Variants in DLST observed in about 807,000 individuals in gnomAD.
The protein encoded by DLST is dihydrolipoyllysine-residue succinyltransferase component of 2-oxoglutarate dehydrogenase complex, mitochondrial.
DLST carries 17 observed loss-of-function variants against 53.1 expected under a neutral mutation model. The observed-to-expected ratio is 0.32, with a 90% CI of 0.22 to 0.48. DLST has a LOEUF of 0.48. Among genes scored for constraint, DLST ranks in the 20% least tolerant of loss-of-function variants. The probability of loss-of-function intolerance (pLI) is 0.99; values close to 1 mark genes in which losing one functional copy is unlikely to be tolerated. For synonymous variants in DLST, 206 were observed against 204.8 expected (o/e 1.01, Z -0.05); for missense variants, 512 against 583.9 (o/e 0.88, Z 1.27).
intron 6 of DLST, 26 bp downstream of exon 6, chr14:74,889,978 G>T: frequency 5.6e-6 from 9 of 1,607,568 alleles, no homozygotes; most frequent in Non-Finnish European, 6.8e-6. Context: ...ATTCGTACCA[G>T]CTTTTCATGG....
chr14:74,890,739 G>A (rs1009609276), intron 6 of DLST, among the ~76,000 whole-genome samples: 3 of 152,108 alleles, frequency 2.0e-5, no homozygotes, highest in Non-Finnish European at 2.9e-5. Context: ...GTTTTGAGAC[G>A]TTTCGCTCTA....
At chr14:74,894,115 A>G (rs993393467) in intron 9 of DLST, among the ~76,000 whole-genome samples, 197 bp from the exon 10 acceptor site, 1 of 152,176 alleles carries the variant, frequency 6.6e-6, no homozygotes, top group Non-Finnish European at 1.5e-5. Flanking sequence ...CTGAGTGAGT[A>G]GTTTTGGCCT....
At chr14:74,893,137 T>G (rs1375558408) in intron 8 of DLST, 151 bp downstream of exon 8, 3 of 1,138,388 alleles carry the variant, frequency 2.6e-6, no homozygotes, top group Non-Finnish European at 3.7e-6. Flanking sequence ...AAGGCCTGCT[T>G]TGCATCTCAG....
chr14:74,894,035 T>C (rs1883996233), intron 9 of DLST, among the ~76,000 whole-genome samples: 1 of 152,220 alleles, frequency 6.6e-6, no homozygotes, highest in Non-Finnish European at 1.5e-5. Context: ...ACTACATTCT[T>C]TTATAAATGG....
At chr14:74,901,880 G>A (rs1310767780) in intron 14 of DLST, among the ~76,000 whole-genome samples, 1 of 150,514 alleles carries the variant, frequency 6.6e-6, no homozygotes, top group East Asian at 1.9e-4. Flanking sequence ...ACCCCAGAGA[G>A]AAGCAAGTAC....
At chr14:74,892,757 GTT>G (rs1883952355) in intron 7 of DLST, 75 bp from the exon 8 acceptor site, 1 of 1,470,514 alleles carries the variant, frequency 6.8e-7, no homozygotes, top group African/African-American at 1.4e-5. Context: ...TGGAGCTAGA[GTT>G]TTTGCCACTA....
At position 74,897,937 on chromosome 14, in the gene DLST, G is replaced by GT. The variant is rs1566794710; in HGVS notation, c.771-432_771-431insT. On this transcript the variant is annotated intron_variant, in intron 10 of 14. Coordinates refer to ENST00000334220, the MANE Select transcript of DLST (RefSeq NM_001933.5). ...CGGGAGTTATACTCAGATTTGGTGG[G>GT]GTTTTTTTTTTTTTTTTGTATTCTA... 1.1e-3 allele frequency among the ~76,000 whole-genome samples: 166 copies of GT among 144,956 alleles called. 3 individuals are homozygous for GT. The highest frequency in any genetic ancestry group is 7.0e-3 in the Middle Eastern group (2 of 284).
At chr14:74,888,223 A>G (rs1166111555) in intron 3 of DLST, among the ~76,000 whole-genome samples, 1 of 150,896 alleles carries the variant, frequency 6.6e-6, no homozygotes, top group Non-Finnish European at 1.5e-5. Context: ...TAGCAAGAGA[A>G]CCGAGTAGGA....
intron 14 of DLST, among the ~76,000 whole-genome samples, chr14:74,901,684 G>A (rs1884249869): frequency 6.6e-6 from 1 of 152,172 alleles, no homozygotes; most frequent in Non-Finnish European, 1.5e-5. Flanking sequence ...CTGGCCCTTA[G>A]AAGATACGTT....
intron 10 of DLST, among the ~76,000 whole-genome samples, chr14:74,895,504 C>A (rs928412411): frequency 6.6e-6 from 1 of 152,132 alleles, no homozygotes; most frequent in Admixed American, 6.5e-5. Context: ...GCCTATAATC[C>A]CAGAGCTTTG....
chr14:74,887,122 C>A (rs1314922890), intron 3 of DLST, among the ~76,000 whole-genome samples: 2 of 152,200 alleles, frequency 1.3e-5, no homozygotes, highest in South Asian at 4.1e-4. Flanking sequence ...GATTTAATAT[C>A]TGATAATATA....
intron 2 of DLST, 48 bp from the exon 3 acceptor site, chr14:74,885,538 C>A (rs1489730927): frequency 6.3e-7 from 1 of 1,596,336 alleles, no homozygotes; most frequent in African/African-American, 1.3e-5. Flanking sequence ...AGCATGTATC[C>A]TTTGTGAGAT....
Position 74,889,098 on chromosome 14 carries a change from TAAC to T in DLST, c.155_157del (p.Asn52del). On this transcript the variant is annotated inframe_deletion, in exon 4 of 15. Coordinates refer to ENST00000334220, the MANE Select transcript of DLST (RefSeq NM_001933.5). Reference sequence around the variant, plus strand: ...TTAACGTGTGTTTCTTTTGTAGCATTAACAACAGTGTCTTCAGTGTTCGCTTTT... The same window carrying T: ...TTAACGTGTGTTTCTTTTGTAGCATTAACAGTGTCTTCAGTGTTCGCTTTT... 1 of 1,614,130 alleles carries T rather than the reference TAAC, an allele frequency of 6.2e-7. No individual in the cohort carries two copies. Among genetic ancestry groups the T allele is most frequent in the East Asian group, 2.2e-5 (1 of 44,890 alleles).
In DLST at chr14:74,889,136, C is replaced by T. The variant is rs751064187; in HGVS notation, c.188C>T (p.Thr63Ile). The stretch of plus-strand genomic sequence containing the variant: ...TTCAGTGTTCGCTTTTTCAGAACTA[C>T]AGCTGTATGCAGTAAGTACCTGCTT... The part of the protein sequence containing the change: ...SVFSVRFFRT[T>I]AVCKDDLVTV... Residue 63 changes from threonine (T) to isoleucine (I), a missense_variant, in exon 4 of 15, where the codon ACA becomes ATA. Transcript: ENST00000334220. 4 of 1,614,100 alleles carry T rather than the reference C, an allele frequency of 2.5e-6. No individual in the cohort carries two copies. The highest frequency in any genetic ancestry group is 1.1e-5 in the South Asian group (1 of 91,066).
chr14:74,894,769 G>A (rs1275040738), intron 10 of DLST, among the ~76,000 whole-genome samples: 1 of 151,832 alleles, frequency 6.6e-6, no homozygotes, highest in African/African-American at 2.4e-5. Flanking sequence ...GGATGGTCTC[G>A]ATCTCCTGAC....
At chr14:74,894,546 T>C (rs1400858130) in intron 10 of DLST, 137 bp downstream of exon 10, 5 of 941,764 alleles carry the variant, frequency 5.3e-6, no homozygotes, top group Non-Finnish European at 7.6e-6. Context: ...TTTGTTTGTT[T>C]GTTTTTGTTT....
At chr14:74,887,957 A>G (rs1412363493) in intron 3 of DLST, among the ~76,000 whole-genome samples, 1 of 152,250 alleles carries the variant, frequency 6.6e-6, no homozygotes, top group Non-Finnish European at 1.5e-5. Context: ...TATTCAGACA[A>G]TCCTGAAGTG....
chr14:74,896,019 G>A (rs1884068354), intron 10 of DLST, among the ~76,000 whole-genome samples: 1 of 152,158 alleles, frequency 6.6e-6, no homozygotes. Context: ...ACCAGGCTTG[G>A]CCAATTTTTT....
At chr14:74,884,326 A>G (rs568536970) in intron 2 of DLST, among the ~76,000 whole-genome samples, 43 of 152,316 alleles carry the variant, frequency 2.8e-4, no homozygotes, top group African/African-American at 1.0e-3. Context: ...TGGACTCTCA[A>G]TAACAAACAT....
Sources: gnomAD v4.1 joint callset for allele counts (sites outside exome capture counted in the v4.1 genomes callset) on GRCh38, gnomAD v4.1.1 for gene constraint, MANE v1.5 for transcripts, NCBI Gene and HGNC (gene_info 2026-07-23, HGNC 2026-07-21) for gene names.